APOLD1: variants seen among roughly 807,000 people sequenced by gnomAD.
APOLD1 encodes the protein apolipoprotein L domain-containing protein 1.
A neutral mutation model predicts 15.3 loss-of-function variants in APOLD1; 22 were observed. The ratio of observed to expected loss-of-function variants is 1.44; its 90% CI spans 1.03 to 2.05. The LOEUF (loss-of-function observed/expected upper bound fraction) is 2.05, where lower values mean the gene tolerates loss of function less well. APOLD1 is among the 30% of genes most tolerant of loss of function. The pLI, the probability that APOLD1 is intolerant of heterozygous loss-of-function variation, is 0.00. For missense variants in APOLD1, 394 were observed against 353.5 expected (o/e 1.11, Z -0.92); for synonymous variants, 190 against 167.4 (o/e 1.13, Z -1.04).
intron 1 of APOLD1, 91 bp from the exon 2 acceptor site, chr12:12,786,818 G>A (rs1234639255): frequency 1.5e-6 from 2 of 1,316,914 alleles, no homozygotes; most frequent in Non-Finnish European, 1.9e-6. Flanking sequence ...CGCTGAACTC[G>A]TGCCAAGTTC....
intron 1 of APOLD1, among the ~76,000 whole-genome samples, chr12:12,767,389 C>T (rs889038257): frequency 1.1e-4 from 16 of 152,072 alleles, no homozygotes; most frequent in Non-Finnish European, 2.2e-4. Context: ...TGGCCAGGTG[C>T]GGTGGCTCAC....
At chr12:12,763,532 T>G (rs1565433192) in intron 1 of APOLD1, among the ~76,000 whole-genome samples, 1 of 151,348 alleles carries the variant, frequency 6.6e-6, no homozygotes, top group African/African-American at 2.4e-5. Flanking sequence ...GGGAAAACAA[T>G]ACAACAATAA....
chr12:12,726,312 G>A, intron 1 of APOLD1: 1 of 657,590 alleles, frequency 1.5e-6, no homozygotes, highest in African/African-American at 1.8e-5. Flanking sequence ...TTTTGCGGGA[G>A]GAATATGTTA....
At chr12:12,784,315 C>A (rs187582563), upstream of APOLD1, among the ~76,000 whole-genome samples, 3 of 152,282 alleles carry the variant, frequency 2.0e-5, no homozygotes. Context: ...CCCCAATTCG[C>A]GCTGGCCCAC....
chr12:12,743,357 A>AC (rs1274291815), intron 1 of APOLD1, among the ~76,000 whole-genome samples: 2 of 151,804 alleles, frequency 1.3e-5, no homozygotes, highest in Middle Eastern at 3.4e-3. Flanking sequence ...ACATAGTGAG[A>AC]CCCCATCTTT....
chr12:12,728,456 A>G (rs940703920), intron 1 of APOLD1, among the ~76,000 whole-genome samples: 3 of 152,018 alleles, frequency 2.0e-5, no homozygotes, highest in African/African-American at 7.3e-5. Flanking sequence ...GCTTGAACTC[A>G]GGAGTTCTGG....
At chr12:12,745,002 G>A (rs563600361) in intron 1 of APOLD1, among the ~76,000 whole-genome samples, 1 of 151,976 alleles carries the variant, frequency 6.6e-6, no homozygotes, top group Admixed American at 6.6e-5. Context: ...TCTACTTCTG[G>A]CCTGCTTTGA....
intron 1 of APOLD1, among the ~76,000 whole-genome samples, chr12:12,762,205 A>T (rs112592443): frequency 1.3e-4 from 20 of 152,190 alleles, no homozygotes; most frequent in African/African-American, 4.8e-4. Flanking sequence ...AGGGCATAGC[A>T]CAGTAGGAGC....
intron 1 of APOLD1, among the ~76,000 whole-genome samples, chr12:12,774,919 C>T (rs1947020292): frequency 1.3e-5 from 2 of 152,160 alleles, no homozygotes; most frequent in Admixed American, 6.6e-5. Flanking sequence ...AACATACTCT[C>T]GTCATAAGAT....
intron 1 of APOLD1, among the ~76,000 whole-genome samples, chr12:12,731,058 G>A (rs1020492747): frequency 1.3e-5 from 2 of 151,952 alleles, no homozygotes; most frequent in Admixed American, 6.6e-5. Flanking sequence ...GGAGAATGGC[G>A]TGAACCCGGG....
intron 1 of APOLD1, 49 bp from the exon 2 acceptor site, chr12:12,786,860 G>A: frequency 2.2e-6 from 3 of 1,360,442 alleles, no homozygotes; most frequent in Non-Finnish European, 2.8e-6. Flanking sequence ...GGCGGGAGCG[G>A]CGGCTGGCAC....
At chr12:12,731,014 G>A (rs1017968581) in intron 1 of APOLD1, among the ~76,000 whole-genome samples, 7 of 151,418 alleles carry the variant, frequency 4.6e-5, no homozygotes, top group Admixed American at 1.3e-4. Flanking sequence ...GGTGGCGGGC[G>A]CCTGTAGTCC....
intron 1 of APOLD1, chr12:12,726,466 T>C (rs959171206): frequency 2.1e-5 from 6 of 286,152 alleles, no homozygotes; most frequent in Non-Finnish European, 4.2e-5. Context: ...GGAAATGACA[T>C]TCTTTATGAA....
intron 1 of APOLD1, among the ~76,000 whole-genome samples, chr12:12,768,998 C>A (rs1408789383): frequency 6.6e-6 from 1 of 151,880 alleles, no homozygotes; most frequent in African/African-American, 2.4e-5. Flanking sequence ...GAGGCTGAGG[C>A]AAAAGGATTA....
At chr12:12,777,241 G>C (rs1947043536) in intron 1 of APOLD1, among the ~76,000 whole-genome samples, 1 of 152,188 alleles carries the variant, frequency 6.6e-6, no homozygotes, top group Admixed American at 6.5e-5. Context: ...GCCCAGTGCA[G>C]ACAGTAGATG....
At chr12:12,767,652 T>A (rs773057568) in intron 1 of APOLD1, among the ~76,000 whole-genome samples, 1 of 152,152 alleles carries the variant, frequency 6.6e-6, no homozygotes, top group Non-Finnish European at 1.5e-5. Flanking sequence ...GGAGACTATG[T>A]CTCAAAACAA....
chr12:12,775,104 A>G (rs1273826493), intron 1 of APOLD1, among the ~76,000 whole-genome samples: 3 of 152,252 alleles, frequency 2.0e-5, no homozygotes, highest in Non-Finnish European at 4.4e-5. Context: ...ACAATGGGAC[A>G]TTATTCAGTG....
intron 1 of APOLD1, chr12:12,771,576 A>C: frequency 1.9e-6 from 1 of 522,354 alleles, no homozygotes; most frequent in South Asian, 1.4e-5. Flanking sequence ...TTGGCAACTT[A>C]TGATGGAGGA....
rs71436735 is a variant in APOLD1, at chr12:12,777,889, GTTTTTTTTTTTTTTT to G, written c.97-8998_97-8984del. The stretch of plus-strand genomic sequence containing the variant: ...AAATATCTTCTCTACAAGGAAAGGT[GTTTTTTTTTTTTTTT>G]TTTTTTTTTTTTTTTTTTTTTGTTG... On this transcript the variant is annotated intron_variant, in intron 1 of 1. Coordinates refer to the APOLD1 transcript ENST00000326765. Among the ~76,000 whole-genome samples the G allele has an allele frequency of 4.5e-3, 527 of 117,128 alleles. 3 individuals are homozygous for G. The highest frequency in any genetic ancestry group is 0.012 in the Middle Eastern group (3 of 244). The allele number at this position is 117,128 out of a possible 152,430, so 76.8% of individuals were successfully genotyped here. A position where few individuals can be genotyped will look rare whatever the true frequency, so the allele number is the denominator to read the frequency against.
Sources: allele counts gnomAD v4.1 joint callset (sites outside exome capture counted in the v4.1 genomes callset), GRCh38; gene constraint gnomAD v4.1.1; transcripts MANE v1.5; gene names NCBI Gene and HGNC (gene_info 2026-07-23, HGNC 2026-07-21).